TELO2: variants seen among roughly 807,000 people sequenced by gnomAD.
The protein encoded by TELO2 is telomere maintenance 2.
A neutral mutation model predicts 91.0 loss-of-function variants in TELO2; 71 were observed. The observed-to-expected ratio is 0.78, with a 90% confidence interval of 0.64 to 0.95. TELO2 has a LOEUF of 0.95. Ranked by LOEUF, TELO2 falls within the 40% of genes least tolerant of loss-of-function variation. The probability of loss-of-function intolerance (pLI) is 0.00; values close to 1 mark genes in which losing one functional copy is unlikely to be tolerated. For missense variants in TELO2, 1,183 were observed against 1,141.3 expected (o/e 1.04, Z -0.53); for synonymous variants, 584 against 518.9 (o/e 1.13, Z -1.71).
At position 1,509,986 on chromosome 16, in the gene TELO2, C is replaced by G. The variant is rs1440880548; in HGVS notation, c.*50C>G. The G allele has an allele frequency of 6.7e-7, 1 of 1,497,852 alleles. No homozygotes were observed. The highest frequency in any genetic ancestry group is 2.4e-5 in the East Asian group (1 of 40,824). The allele number at this position is 1,497,852 out of a possible 1,614,324, so 92.8% of individuals were successfully genotyped here. On this transcript the variant is annotated 3_prime_UTR_variant, in exon 21 of 21. Coordinates refer to ENST00000262319, the MANE Select transcript of TELO2 (RefSeq NM_016111.4). ...CCCTCGCCGACAGCAAGGCAGGCGG[C>G]TGAGCAGCGGCCTGGAGCAGCAGAG... is the stretch of plus-strand genomic sequence containing the variant.
At chr16:1,504,870 A>AGCT (rs2039833671) in intron 15 of TELO2, among the ~76,000 whole-genome samples, 1 of 148,178 alleles carries the variant, frequency 6.7e-6, no homozygotes, top group Admixed American at 6.9e-5. Flanking sequence ...AGTGTCACGC[A>AGCT]GCCGCCTCTG....
intron 6 of TELO2, 60 bp downstream of exon 6, chr16:1,499,393 A>C: frequency 6.4e-7 from 1 of 1,573,908 alleles, no homozygotes; most frequent in South Asian, 1.1e-5. Flanking sequence ...GAATGGCTGC[A>C]AAACATGGGG....
In TELO2 at chr16:1,497,001, C is replaced by T. The variant is rs1434540074; in HGVS notation, c.614-35C>T. The T allele has an allele frequency of 6.2e-7, 1 of 1,609,384 alleles. No homozygotes were observed. The highest frequency in any genetic ancestry group is 1.3e-5 in the African/African-American group (1 of 74,898). ...CTAGATGTTCTTTTGTGCCTTCCCG[C>T]CGGCTTCCTCATCAGGCCTCCCTTT... On this transcript the variant is annotated intron_variant, in intron 3 of 20. Coordinates refer to ENST00000262319, the MANE Select transcript of TELO2 (RefSeq NM_016111.4). The surrounding 1 kb of genome is among the most constrained non-coding windows in gnomAD (Gnocchi z 4.0).
At position 1,494,429 on chromosome 16, in the gene TELO2, G is replaced by C. The variant is rs2039406259; in HGVS notation, c.148G>C (p.Glu50Gln). Residue 50 changes from glutamate (E) to glutamine (Q), a missense_variant, in exon 2 of 21, where the codon GAG becomes CAG. Glu to Gln is a conservative substitution (Grantham distance 29). Transcript: ENST00000262319. This position sits in a 1 kb window ranked among gnomAD's most constrained non-coding sequence, Gnocchi z 5.6. ...GATGGAGCCTCCAGCGCTCCCGAGG[G>C]AGAAGGAGGAGTTTGCCTCGGCCCA... ...GEMEPPALPR[E>Q]KEEFASAHFS... 8.7e-6 allele frequency: 14 copies of C among 1,613,504 alleles called. No individual in the cohort carries two copies. The highest frequency in any genetic ancestry group is 1.2e-5 in the Non-Finnish European group (14 of 1,180,000).
intron 5 of TELO2, among the ~76,000 whole-genome samples, chr16:1,498,459 A>G (rs2039568911): frequency 6.6e-6 from 1 of 151,950 alleles, no homozygotes; most frequent in African/African-American, 2.4e-5. Context: ...GTTTTTAGAG[A>G]CAGGATCTTG....
chr16:1,498,094 A>G (rs2039557580), intron 5 of TELO2, among the ~76,000 whole-genome samples: 2 of 150,524 alleles, frequency 1.3e-5, no homozygotes, highest in Admixed American at 6.6e-5. Context: ...GGCTCACTGC[A>G]ACCTCCGTCT....
chr16:1,506,134 C>T lies in TELO2; in HGVS notation c.2035-104C>T, dbSNP rs905770617. ...GGAAGAGTAGCCCGGGGAGGCAAGG[C>T]GAGGCTGAGGTCCACGCTGCTTTGT... On this transcript the variant is annotated intron_variant, in intron 16 of 20. Coordinates refer to ENST00000262319, the MANE Select transcript of TELO2 (RefSeq NM_016111.4). 1.1e-5 allele frequency: 14 copies of T among 1,297,598 alleles called. No homozygotes were observed. The African/African-American group carries it at 1.2e-4, about 11-fold the overall frequency. The allele number at this position is 1,297,598 out of a possible 1,614,324, so 80.4% of individuals were successfully genotyped here.
chr16:1,502,451 C>T (rs746915389), intron 13 of TELO2, 47 bp downstream of exon 13: 65 of 1,554,602 alleles, frequency 4.2e-5, no homozygotes, highest in Non-Finnish European at 5.6e-5. Context: ...ATGGTAGCTC[C>T]CTCAATGCCA....
chr16:1,508,435 C>T (rs1439834964), intron 20 of TELO2, among the ~76,000 whole-genome samples: 1 of 152,230 alleles, frequency 6.6e-6, no homozygotes, highest in Non-Finnish European at 1.5e-5. Flanking sequence ...CCGGCCAGTC[C>T]CAGCACCTTT....
Position 1,501,700 on chromosome 16 carries a change from G to A in TELO2, c.1399G>A (p.Glu467Lys), listed in dbSNP as rs748175503. The change falls in exon 11 of 21, where the codon GAG (glutamate) becomes AAG (lysine). Residue 467 changes from glutamate (E) to lysine (K), a missense_variant. Transcript: ENST00000262319. ...LVPATAEPPA[E>K]TPAEIVDGGV... ...TCCAGCCACGGCAGAGCCCCCTGCA[G>A]AGACCCCCGCAGAGATCGTGGATGG... 1.9e-6 allele frequency: 3 copies of A among 1,612,888 alleles called. No individual in the cohort carries two copies. In the East Asian group the frequency reaches 6.7e-5, roughly 36 times the overall value.
At chr16:1,508,980 G>GC (rs2040015279) in intron 20 of TELO2, among the ~76,000 whole-genome samples, 1 of 146,468 alleles carries the variant, frequency 6.8e-6, no homozygotes, top group Non-Finnish European at 1.5e-5. Flanking sequence ...TGGAGCTGCT[G>GC]CCCAACCCCT....
chr16:1,497,252 C>T lies in TELO2; in HGVS notation c.683-109C>T. ...TCCTGGGCCCGTGGGATCTGGGGCT[C>T]AGCTGTGCTTACTGGGGAGCTGTGG... On this transcript the variant is annotated intron_variant, in intron 4 of 20. Coordinates refer to ENST00000262319, the MANE Select transcript of TELO2 (RefSeq NM_016111.4). The surrounding 1 kb of genome is among the most constrained non-coding windows in gnomAD (Gnocchi z 4.0). The T allele has an allele frequency of 2.0e-6, 3 of 1,491,770 alleles. No homozygotes were observed. The highest frequency in any genetic ancestry group is 2.6e-5 in the South Asian group (2 of 75,922). 92.4% of individuals were successfully genotyped at this position (1,491,770 alleles called of 1,614,324 possible). A position where few individuals can be genotyped will look rare whatever the true frequency, so the allele number is the denominator to read the frequency against.
intron 3 of TELO2, 81 bp downstream of exon 3, chr16:1,495,704 C>T (rs2039465791): frequency 1.7e-5 from 26 of 1,497,844 alleles, no homozygotes; most frequent in Non-Finnish European, 2.2e-5. Context: ...TGCCTCACGG[C>T]CTCTGGAGAC....
intron 11 of TELO2, 36 bp from the exon 12 acceptor site, chr16:1,502,011 C>A: frequency 6.2e-7 from 1 of 1,612,090 alleles, no homozygotes; most frequent in Non-Finnish European, 8.5e-7. Context: ...CTGTCACAGG[C>A]CATGGGCTGC....
intron 5 of TELO2, among the ~76,000 whole-genome samples, chr16:1,498,509 C>G (rs2039570089): frequency 6.6e-6 from 1 of 152,118 alleles, no homozygotes; most frequent in African/African-American, 2.4e-5. Flanking sequence ...GTGATTATAG[C>G]TCACTGCAGC....
Position 1,493,697 on chromosome 16 carries a change from A to T in TELO2, c.-37+92A>T, listed in dbSNP as rs1449762903. On this transcript the variant is annotated intron_variant, in intron 1 of 20. Coordinates refer to ENST00000262319, the MANE Select transcript of TELO2 (RefSeq NM_016111.4). The surrounding 1 kb of genome is among the most constrained non-coding windows in gnomAD (Gnocchi z 4.3). ...TTGGGTCGGGTCCAGGTCGGGTAGG[A>T]GTCCGGTCGGGGTCCGGGTACAGGT... 6.5e-6 allele frequency: 1 copy of T among 154,754 alleles called. No homozygotes were observed. The highest frequency in any genetic ancestry group is 2.0e-4 in the South Asian group (1 of 5,122). The allele number at this position is 154,754 out of a possible 1,614,324, so 9.6% of individuals were successfully genotyped here. A position where few individuals can be genotyped will look rare whatever the true frequency, so the allele number is the denominator to read the frequency against.
rs2039629095 is a variant in TELO2, at chr16:1,500,260, G to A, written c.1003-87G>A. The stretch of plus-strand genomic sequence containing the variant: ...CGGCAGGGTGAGGCTGGCTGGGCTG[G>A]GGCGGAGCTCCCTCAGAGTGGCTGT... On this transcript the variant is annotated intron_variant, in intron 7 of 20. Transcript: ENST00000262319. The A allele has an allele frequency of 6.5e-6, 10 of 1,530,566 alleles. No homozygotes were observed. The South Asian group carries it at 1.2e-4, about 18-fold the overall frequency. 94.8% of individuals were successfully genotyped at this position (1,530,566 alleles called of 1,614,324 possible). A position where few individuals can be genotyped will look rare whatever the true frequency, so the allele number is the denominator to read the frequency against.
At chr16:1,498,609 A>C (rs1445242683) in intron 5 of TELO2, among the ~76,000 whole-genome samples, 2 of 151,980 alleles carry the variant, frequency 1.3e-5, no homozygotes, top group Admixed American at 6.6e-5. Flanking sequence ...GCTAATTTTT[A>C]AATTTTTTGT....
At position 1,497,455 on chromosome 16, in the gene TELO2, G is replaced by T; in HGVS notation, c.777G>T (p.Val259=). 1 of 1,572,008 alleles carries T rather than the reference G, an allele frequency of 6.4e-7. No individual in the cohort carries two copies. Among genetic ancestry groups the T allele is most frequent in the African/African-American group, 1.4e-5 (1 of 73,906 alleles). ...TCTGCTGGCGCCTGGTGGAGCAAGT[G>T]CCGGACCGGGCCATGGAGGCTGTGC... The part of the protein sequence containing the change: ...QRVCWRLVEQ[V]PDRAMEAVLT... The change falls in exon 5 of 21, where the codon GTG becomes GTT. Residue 259 remains valine (V), a synonymous_variant. Coordinates refer to ENST00000262319, the MANE Select transcript of TELO2 (RefSeq NM_016111.4). The surrounding 1 kb of genome is among the most constrained non-coding windows in gnomAD (Gnocchi z 4.0).
Sources: gnomAD v4.1 joint callset for allele counts (sites outside exome capture counted in the v4.1 genomes callset) on GRCh38, gnomAD v4.1.1 for gene constraint, Gnocchi (gnomAD v3.1) non-coding constraint, MANE v1.5 for transcripts, NCBI Gene and HGNC (gene_info 2026-07-23, HGNC 2026-07-21) for gene names.